CHRM3: variants seen among roughly 807,000 people sequenced by gnomAD.
CHRM3 encodes muscarinic acetylcholine receptor M3.
Under a neutral mutation model 41.8 loss-of-function variants are expected in CHRM3, and 11 were observed. The ratio of observed to expected loss-of-function variants is 0.26; its 90% CI spans 0.17 to 0.44. The LOEUF is 0.44. CHRM3 is among the 20% of genes least tolerant of loss of function. The probability of loss-of-function intolerance (pLI) is 1.00; values close to 1 mark genes in which losing one functional copy is unlikely to be tolerated. For synonymous variants in CHRM3, 297 were observed against 301.4 expected (o/e 0.99, Z 0.15); for missense variants, 571 against 745.4 (o/e 0.77, Z 2.72).
In CHRM3 at chr1:239,415,972, C is replaced by G. The variant is rs556252187; in HGVS notation, c.-521+28745C>G. Among the ~76,000 whole-genome samples the G allele has an allele frequency of 2.0e-5, 3 of 152,166 alleles. No homozygotes were observed. In the East Asian group the frequency reaches 5.8e-4, roughly 29 times the overall value. On this transcript the variant is annotated intron_variant, in intron 1 of 6. Coordinates refer to ENST00000676153, the MANE Select transcript of CHRM3 (RefSeq NM_001375978.1). ...TAAAAATTAAGGAAGAAAAGCAGACCCTGAATATACACATGGTAGCAGGAC... is the reference window on the plus strand; with the variant it reads ...TAAAAATTAAGGAAGAAAAGCAGACGCTGAATATACACATGGTAGCAGGAC...
intron 5 of CHRM3, among the ~76,000 whole-genome samples, chr1:239,694,155 A>G (rs1256039596): frequency 6.6e-6 from 1 of 152,228 alleles, no homozygotes; most frequent in African/African-American, 2.4e-5. Flanking sequence ...TAGTTAGAGC[A>G]TATTTACATA....
chr1:239,720,751 T>C (rs1474472583), intron 5 of CHRM3, among the ~76,000 whole-genome samples: 2 of 151,968 alleles, frequency 1.3e-5, no homozygotes, highest in Non-Finnish European at 2.9e-5. Flanking sequence ...CTGTAATTCA[T>C]GTTGGAAATC....
At chr1:239,470,611 CT>C (rs1666046319) in intron 1 of CHRM3, among the ~76,000 whole-genome samples, 1 of 152,178 alleles carries the variant, frequency 6.6e-6, no homozygotes, top group African/African-American at 2.4e-5. Flanking sequence ...ACAATTTCCC[CT>C]GCCTTCTTCC....
intron 1 of CHRM3, among the ~76,000 whole-genome samples, chr1:239,483,213 C>A (rs1666973333): frequency 1.3e-5 from 2 of 152,174 alleles, no homozygotes; most frequent in South Asian, 4.1e-4. Flanking sequence ...ATTATTCTAA[C>A]CTTCATTGTA....
At chr1:239,677,485 T>C (rs1368062752) in intron 4 of CHRM3, among the ~76,000 whole-genome samples, 1 of 152,196 alleles carries the variant, frequency 6.6e-6, no homozygotes, top group African/African-American at 2.4e-5. Flanking sequence ...CAACAGACAT[T>C]TATTGCCTTG....
intron 1 of CHRM3, among the ~76,000 whole-genome samples, chr1:239,399,997 C>T (rs557169480): frequency 8.5e-5 from 13 of 152,240 alleles, no homozygotes; most frequent in South Asian, 6.2e-4. Context: ...ACTGCAACCT[C>T]GGTCTTCTGG....
At chr1:239,677,333 C>G (rs1239349133) in intron 4 of CHRM3, among the ~76,000 whole-genome samples, 1 of 152,200 alleles carries the variant, frequency 6.6e-6, no homozygotes, top group Non-Finnish European at 1.5e-5. Context: ...ATGTCAAATA[C>G]TTGTTGCCAT....
At chr1:239,876,564 A>G (rs1488208648) in intron 6 of CHRM3, among the ~76,000 whole-genome samples, 1 of 152,204 alleles carries the variant, frequency 6.6e-6, no homozygotes, top group African/African-American at 2.4e-5. Flanking sequence ...TGGTGAGTGG[A>G]AGATGACATT....
intron 1 of CHRM3, among the ~76,000 whole-genome samples, chr1:239,472,699 G>A (rs1047241121): frequency 6.6e-6 from 1 of 151,636 alleles, no homozygotes; most frequent in African/African-American, 2.4e-5. Flanking sequence ...CACAGGGAGG[G>A]GGACAACACC....
At chr1:239,526,999 T>G (rs1670039892) in intron 2 of CHRM3, among the ~76,000 whole-genome samples, 1 of 152,136 alleles carries the variant, frequency 6.6e-6, no homozygotes, top group Non-Finnish European at 1.5e-5. Flanking sequence ...GGTGCATGCC[T>G]GTGGTCCCAG....
chr1:239,419,596 A>G (rs1661775569), intron 1 of CHRM3, among the ~76,000 whole-genome samples: 1 of 152,208 alleles, frequency 6.6e-6, no homozygotes, highest in Non-Finnish European at 1.5e-5. Context: ...GATAATAGAT[A>G]AAAGAGGGCT....
intron 5 of CHRM3, among the ~76,000 whole-genome samples, chr1:239,697,070 C>G (rs749521589): frequency 1.6e-4 from 25 of 152,250 alleles, no homozygotes; most frequent in Admixed American, 5.2e-4. Context: ...CAAAATCTCC[C>G]AGATTTCTTG....
At chr1:239,834,400 C>T (rs1450471618) in intron 6 of CHRM3, among the ~76,000 whole-genome samples, 2 of 149,696 alleles carry the variant, frequency 1.3e-5, no homozygotes, top group Admixed American at 6.7e-5. Context: ...GTGGCCTCTG[C>T]CTTCCAGGTT....
intron 1 of CHRM3, among the ~76,000 whole-genome samples, chr1:239,446,226 T>TGC (rs1664145522): frequency 6.6e-6 from 1 of 152,162 alleles, no homozygotes; most frequent in Admixed American, 6.5e-5. Flanking sequence ...TGAGCCACCA[T>TGC]GCCTGGCCAG....
chr1:239,470,517 C>T (rs1439106764), intron 1 of CHRM3, among the ~76,000 whole-genome samples: 1 of 152,136 alleles, frequency 6.6e-6, no homozygotes, highest in Non-Finnish European at 1.5e-5. Context: ...TCAAAGGGCC[C>T]AGGGAAGCAA....
intron 1 of CHRM3, among the ~76,000 whole-genome samples, chr1:239,464,338 A>T (rs763439215): frequency 8.6e-5 from 13 of 151,636 alleles, no homozygotes; most frequent in Non-Finnish European, 1.6e-4. Context: ...ATAGAATCTA[A>T]GAACATATGT....
At chr1:239,853,286 T>C (rs1163581432) in intron 6 of CHRM3, among the ~76,000 whole-genome samples, 1 of 151,976 alleles carries the variant, frequency 6.6e-6, no homozygotes, top group Non-Finnish European at 1.5e-5. Context: ...TTTCGAGTTT[T>C]ATTAGAGTAA....
At chr1:239,504,096 AG>A (rs1289272417) in intron 2 of CHRM3, among the ~76,000 whole-genome samples, 1 of 152,172 alleles carries the variant, frequency 6.6e-6, no homozygotes, top group East Asian at 1.9e-4. Context: ...GCACAGCAAA[AG>A]CTTTGTCAGC....
rs1572338706 is a variant in CHRM3 at position 239,800,929 on chromosome 1, C to T, written c.-146-26323C>T. ...GATTTTTTTTTTCCAGTTGAGGTTT[C>T]CCCTTTCAAGTTACACTTCCAGCTG... On this transcript the variant is annotated intron_variant, in intron 5 of 6. Transcript: ENST00000676153. Among the ~76,000 whole-genome samples the T allele has an allele frequency of 2.0e-5, 3 of 151,954 alleles. No individual in the cohort carries two copies. The South Asian group carries it at 6.2e-4, about 31-fold the overall frequency.
Sources: gnomAD v4.1 joint callset for allele counts (sites outside exome capture counted in the v4.1 genomes callset) on GRCh38, gnomAD v4.1.1 for gene constraint, MANE v1.5 for transcripts, NCBI Gene and HGNC (gene_info 2026-07-23, HGNC 2026-07-21) for gene names.